The following NPAS3 variants were observed in gnomAD, a reference collection of about 807,000 sequenced individuals.
The protein encoded by NPAS3 is neuronal PAS domain-containing protein 3.
A neutral mutation model predicts 73.1 loss-of-function variants in NPAS3; 14 were observed. The observed-to-expected ratio is 0.19, with a 90% CI of 0.13 to 0.30. The LOEUF (loss-of-function observed/expected upper bound fraction) is 0.30. NPAS3 is among the 10% of genes least tolerant of loss of function. The pLI is 1.00. For synonymous variants in NPAS3, 620 were observed against 541.5 expected, an observed-to-expected ratio of 1.14 and a Z score of -2.01; for missense variants, 1,096 against 1,250.0, an observed-to-expected ratio of 0.88 and a Z score of 1.86.
intron 2 of NPAS3, among the ~76,000 whole-genome samples, chr14:33,105,615 G>A (rs1368220439): frequency 6.6e-6 from 1 of 152,102 alleles, no homozygotes; most frequent in Admixed American, 6.6e-5. Context: ...AATGAGTCAT[G>A]CAGTATTAGA....
chr14:33,332,472 G>A (rs574371044), intron 3 of NPAS3, among the ~76,000 whole-genome samples: 38 of 152,280 alleles, frequency 2.5e-4, no homozygotes, highest in African/African-American at 9.1e-4. Flanking sequence ...GGGAAGAAAG[G>A]CAAATACATA....
At position 33,533,923 on chromosome 14, in the gene NPAS3, A is replaced by G. The variant is rs988261556; in HGVS notation, c.469-26198A>G. ...ATGACAAATATTTAAATATATGACA[A>G]GTGAACAGGTATTTCCCTGATATTC... is the stretch of plus-strand genomic sequence containing the variant. On this transcript the variant is annotated intron_variant, in intron 4 of 11. Transcript: ENST00000356141. Among the ~76,000 whole-genome samples the G allele has an allele frequency of 2.0e-5, 3 of 152,140 alleles. No individual in the cohort carries two copies. The East Asian group carries it at 5.8e-4, about 29-fold the overall frequency.
chr14:33,588,837 G>A (rs182303765), intron 5 of NPAS3, among the ~76,000 whole-genome samples: 52 of 152,200 alleles, frequency 3.4e-4, no homozygotes, highest in African/African-American at 1.0e-3. Flanking sequence ...AGCTGGTTTC[G>A]AACTCCTGAC....
At chr14:33,455,405 T>C (rs1476530546) in intron 4 of NPAS3, among the ~76,000 whole-genome samples, 1 of 152,216 alleles carries the variant, frequency 6.6e-6, no homozygotes, top group Non-Finnish European at 1.5e-5. Flanking sequence ...AAGGTGGTCT[T>C]CCTTGCTTTG....
At chr14:33,320,551 C>T (rs142959021) in intron 3 of NPAS3, among the ~76,000 whole-genome samples, 150 of 152,208 alleles carry the variant, frequency 9.9e-4, no homozygotes, top group African/African-American at 3.2e-3. Context: ...GCATCTCCTC[C>T]GACATGCTCA....
intron 2 of NPAS3, among the ~76,000 whole-genome samples, chr14:33,084,952 A>G (rs748926143): frequency 1.3e-5 from 2 of 152,204 alleles, no homozygotes; most frequent in African/African-American, 2.4e-5. Context: ...TGAAAAGTAT[A>G]TGGCACTGAC....
chr14:32,951,877 A>C (rs2036497200), intron 1 of NPAS3, among the ~76,000 whole-genome samples: 1 of 152,078 alleles, frequency 6.6e-6, no homozygotes, highest in African/African-American at 2.4e-5. Context: ...TTTACTTGTA[A>C]AGGTGAACTG....
intron 4 of NPAS3, among the ~76,000 whole-genome samples, chr14:33,506,972 A>T (rs555297202): frequency 9.2e-5 from 14 of 151,822 alleles, no homozygotes; most frequent in Non-Finnish European, 1.9e-4. Context: ...TTAGCTTTTA[A>T]GTTTTAATCA....
In NPAS3 at chr14:33,037,722, T is replaced by A. The variant is rs185102222; in HGVS notation, c.51-18183T>A. On this transcript the variant is annotated intron_variant, in intron 1 of 11. Transcript: ENST00000356141. ...ACATTTCCAATAACAAATGTTTTCA[T>A]GAAAAGCCAAGGGAAATTGGATTGA... Among the ~76,000 whole-genome samples, 282 of 152,264 alleles carry A rather than the reference T, an allele frequency of 1.9e-3. 1 individual carries two copies. The highest frequency in any genetic ancestry group is 6.3e-3 in the African/African-American group (263 of 41,564).
At chr14:33,363,372 G>T (rs2045693348) in intron 3 of NPAS3, among the ~76,000 whole-genome samples, 1 of 152,182 alleles carries the variant, frequency 6.6e-6, no homozygotes, top group Non-Finnish European at 1.5e-5. Context: ...TAATTCTTCA[G>T]ATACATGTTT....
chr14:33,696,602 T>C (rs970201680), intron 6 of NPAS3, among the ~76,000 whole-genome samples: 1 of 152,200 alleles, frequency 6.6e-6, no homozygotes, highest in African/African-American at 2.4e-5. Context: ...TATACTCTAA[T>C]ACCATATCCA....
At chr14:33,663,776 G>A (rs2059376573) in intron 5 of NPAS3, among the ~76,000 whole-genome samples, 1 of 151,824 alleles carries the variant, frequency 6.6e-6, no homozygotes, top group Admixed American at 6.6e-5. Context: ...GTCTTGGGAG[G>A]GTGTATGTGT....
At chr14:33,173,983 C>T (rs904123780) in intron 2 of NPAS3, among the ~76,000 whole-genome samples, 26 of 152,166 alleles carry the variant, frequency 1.7e-4, no homozygotes, top group African/African-American at 5.8e-4. Context: ...AAAAAACAGA[C>T]AGACTTTCCT....
chr14:33,515,808 C>G (rs2053270143), intron 4 of NPAS3, among the ~76,000 whole-genome samples: 1 of 152,124 alleles, frequency 6.6e-6, no homozygotes, highest in African/African-American at 2.4e-5. Context: ...TCTTGTCCCT[C>G]TTAACACCTT....
intron 3 of NPAS3, among the ~76,000 whole-genome samples, chr14:33,256,443 C>CT (rs1167923556): frequency 6.6e-6 from 1 of 152,058 alleles, no homozygotes; most frequent in Non-Finnish European, 1.5e-5. Context: ...CAATTTAAAT[C>CT]TAAGAAATGG....
intron 2 of NPAS3, among the ~76,000 whole-genome samples, chr14:33,082,191 G>A (rs919774644): frequency 3.3e-5 from 5 of 152,084 alleles, no homozygotes; most frequent in Non-Finnish European, 7.4e-5. Flanking sequence ...TTGGACTCCC[G>A]TTTGTGCTCC....
chr14:33,656,226 C>T (rs574835625), intron 5 of NPAS3, among the ~76,000 whole-genome samples: 1 of 152,282 alleles, frequency 6.6e-6, no homozygotes, highest in East Asian at 1.9e-4. Context: ...ACTGTGCTAA[C>T]TGTGTGGCAT....
intron 1 of NPAS3, among the ~76,000 whole-genome samples, chr14:33,031,095 A>C (rs2039972290): frequency 1.3e-5 from 2 of 152,138 alleles, no homozygotes; most frequent in African/African-American, 2.4e-5. Flanking sequence ...CATTGATTTT[A>C]AGGAGAGCCA....
intron 2 of NPAS3, among the ~76,000 whole-genome samples, chr14:33,183,907 C>T (rs539346791): frequency 7.9e-5 from 12 of 152,264 alleles, no homozygotes; most frequent in African/African-American, 2.4e-4. Flanking sequence ...TCATTTTCCT[C>T]GTGATGCCCC....
Sources: gnomAD v4.1 joint callset for allele counts (sites outside exome capture counted in the v4.1 genomes callset) on GRCh38, gnomAD v4.1.1 for gene constraint, MANE v1.5 for transcripts, NCBI Gene and HGNC (gene_info 2026-07-23, HGNC 2026-07-21) for gene names.